The following EHBP1 variants were observed in gnomAD, a reference collection of about 807,000 sequenced individuals.
EHBP1 encodes the protein EH domain binding protein 1.
In EHBP1, 55 loss-of-function variants were observed where a neutral mutation model predicts 144.0. The ratio of observed to expected loss-of-function variants is 0.38; its 90% confidence interval spans 0.31 to 0.48. EHBP1 has a LOEUF of 0.48. Among genes scored for constraint, EHBP1 ranks in the 20% least tolerant of loss-of-function variants. EHBP1 has a pLI of 0.98. For missense variants in EHBP1, 1,200 were observed against 1,364.2 expected (o/e 0.88, Z 1.90); for synonymous variants, 469 against 472.7 (o/e 0.99, Z 0.10).
intron 1 of EHBP1, among the ~76,000 whole-genome samples, chr2:62,695,894 G>A (rs1399924900): frequency 2.0e-5 from 3 of 151,536 alleles, no homozygotes; most frequent in South Asian, 2.1e-4. Context: ...TGTATTTTTT[G>A]TAGAGACAGG....
At chr2:62,745,965 A>AT in intron 2 of EHBP1, among the ~76,000 whole-genome samples, 1 of 152,110 alleles carries the variant, frequency 6.6e-6, no homozygotes, top group East Asian at 1.9e-4. Flanking sequence ...AAACTGTAAG[A>AT]TAGCATTTCT....
At chr2:62,691,353 C>G (rs531917251) in intron 1 of EHBP1, among the ~76,000 whole-genome samples, 1 of 152,284 alleles carries the variant, frequency 6.6e-6, no homozygotes, top group South Asian at 2.1e-4. Context: ...GTCGCTAAAG[C>G]TCTAGCCAAC....
At chr2:63,040,452 A>C (rs2061611254) in intron 21 of EHBP1, among the ~76,000 whole-genome samples, 1 of 152,138 alleles carries the variant, frequency 6.6e-6, no homozygotes, top group Non-Finnish European at 1.5e-5. Context: ...TCCTATCCCT[A>C]TATACCAGAT....
chr2:62,987,926 T>C, intron 15 of EHBP1: 1 of 1,481,402 alleles, frequency 6.8e-7, no homozygotes, highest in Non-Finnish European at 9.3e-7. Flanking sequence ...TACATGTTCC[T>C]ACAGATGAAA....
At position 62,941,796 on chromosome 2, in the gene EHBP1, G is replaced by A. The variant is rs116826804; in HGVS notation, c.1186-922G>A. On this transcript the variant is annotated intron_variant, in intron 10 of 22. Transcript: ENST00000431489. ...TAATAGCTAGCACTTTTAATTAGTA[G>A]CAAGATTTAAAGTCCGGAAACATTT... 6.5e-3 allele frequency among the ~76,000 whole-genome samples: 989 copies of A among 152,206 alleles called. 15 individuals carry two copies. Among genetic ancestry groups the A allele is most frequent in the African/African-American group, 0.023 (948 of 41,562 alleles).
At chr2:62,913,722 T>G (rs1376694802) in intron 10 of EHBP1, among the ~76,000 whole-genome samples, 1 of 152,198 alleles carries the variant, frequency 6.6e-6, no homozygotes, top group Non-Finnish European at 1.5e-5. Context: ...AGTGGAAAAA[T>G]GTATTTCTTT....
At chr2:62,949,258 G>C in intron 13 of EHBP1, 96 bp downstream of exon 13, 1 of 1,113,604 alleles carries the variant, frequency 9.0e-7, no homozygotes, top group Non-Finnish European at 1.3e-6. Context: ...ATGATTAAAG[G>C]TGAAGTGTAA....
chr2:62,695,453 T>A (rs2034053039), intron 1 of EHBP1, among the ~76,000 whole-genome samples: 1 of 152,162 alleles, frequency 6.6e-6, no homozygotes, highest in Non-Finnish European at 1.5e-5. Context: ...AAATAAAACG[T>A]TTTGTGAAAG....
Position 62,838,316 on chromosome 2 carries a change from C to G in EHBP1, c.634+7158C>G, listed in dbSNP as rs1041127436. ...ACGAGAACAAAGACACAACATACCACAATCTCTGGGACACATTCAAAGCAG... is the reference window on the plus strand; with the variant it reads ...ACGAGAACAAAGACACAACATACCAGAATCTCTGGGACACATTCAAAGCAG... On this transcript the variant is annotated intron_variant, in intron 7 of 22. Coordinates refer to ENST00000431489, the MANE Select transcript of EHBP1 (RefSeq NM_001142616.3). Among the ~76,000 whole-genome samples the G allele has an allele frequency of 1.5e-3, 228 of 152,232 alleles. 1 individual carries two copies. The East Asian group carries it at 0.019, about 13-fold the overall frequency.
intron 13 of EHBP1, among the ~76,000 whole-genome samples, chr2:62,950,068 A>G (rs2057294692): frequency 6.6e-6 from 1 of 152,126 alleles, no homozygotes; most frequent in South Asian, 2.1e-4. Context: ...TATTCCTAAA[A>G]GTTTTTCACA....
intron 19 of EHBP1, among the ~76,000 whole-genome samples, chr2:63,000,367 T>G (rs1343554729): frequency 6.6e-6 from 1 of 152,000 alleles, no homozygotes; most frequent in Non-Finnish European, 1.5e-5. Context: ...AGCCATGCTG[T>G]GTATGTGAGT....
At chr2:62,777,066 C>T (rs1292429435) in intron 5 of EHBP1, among the ~76,000 whole-genome samples, 2 of 152,170 alleles carry the variant, frequency 1.3e-5, no homozygotes, top group African/African-American at 4.8e-5. Context: ...CCTTGAACTC[C>T]TGGGCTCAAG....
At chr2:62,963,971 A>G (rs1336758184) in intron 14 of EHBP1, among the ~76,000 whole-genome samples, 10 of 152,144 alleles carry the variant, frequency 6.6e-5, no homozygotes, top group Admixed American at 1.3e-4. Flanking sequence ...TTTAGAGGAG[A>G]AGAATGCTGG....
chr2:63,027,406 C>T (rs921576885), intron 19 of EHBP1, among the ~76,000 whole-genome samples: 4 of 152,132 alleles, frequency 2.6e-5, no homozygotes, highest in Non-Finnish European at 2.9e-5. Flanking sequence ...CTCCAGAGAA[C>T]CACTGAGGGG....
At chr2:62,776,679 C>T (rs953865142) in intron 5 of EHBP1, among the ~76,000 whole-genome samples, 9 of 152,124 alleles carry the variant, frequency 5.9e-5, no homozygotes, top group Admixed American at 2.6e-4. Flanking sequence ...AGGATATCTT[C>T]CCCTTATAAA....
chr2:62,837,170 G>T (rs1326923695), intron 7 of EHBP1, among the ~76,000 whole-genome samples: 2 of 148,204 alleles, frequency 1.3e-5, no homozygotes, highest in Non-Finnish European at 3.0e-5. Flanking sequence ...CCAGAAGAGA[G>T]TGGGGGCCAA....
intron 10 of EHBP1, among the ~76,000 whole-genome samples, chr2:62,932,691 C>A (rs2056095915): frequency 6.6e-6 from 1 of 152,062 alleles, no homozygotes; most frequent in South Asian, 2.1e-4. Flanking sequence ...TGGTGGCTCA[C>A]ACCTGTAATC....
At chr2:62,698,714 A>C (rs2034184181) in intron 1 of EHBP1, among the ~76,000 whole-genome samples, 1 of 152,204 alleles carries the variant, frequency 6.6e-6, no homozygotes, top group African/African-American at 2.4e-5. Flanking sequence ...CCAGTCACTA[A>C]TTGGGTGACT....
intron 7 of EHBP1, among the ~76,000 whole-genome samples, chr2:62,839,454 C>G (rs1230598224): frequency 8.8e-4 from 128 of 146,052 alleles, no homozygotes; most frequent in Non-Finnish European, 1.7e-3. Context: ...CCCTCTCTCA[C>G]CACTCCTATT....
Sources: allele counts gnomAD v4.1 joint callset (sites outside exome capture counted in the v4.1 genomes callset), GRCh38; gene constraint gnomAD v4.1.1; transcripts MANE v1.5; gene names NCBI Gene and HGNC (gene_info 2026-07-23, HGNC 2026-07-21).